Variants in CDH4 observed in about 807,000 individuals in gnomAD.
CDH4 encodes the protein cadherin 4, also known as cadherin-4.
In CDH4, 33 loss-of-function variants were observed where a neutral mutation model predicts 86.0. The ratio of observed to expected loss-of-function variants is 0.38; its 90% confidence interval spans 0.29 to 0.51. The LOEUF is 0.51. Among genes scored for constraint, CDH4 ranks in the 20% least tolerant of loss-of-function variants. The pLI, the probability that CDH4 is intolerant of heterozygous loss-of-function variation, is 0.86. For missense variants in CDH4, 1,114 were observed against 1,307.4 expected (o/e 0.85, Z 2.28); for synonymous variants, 555 against 549.4 (o/e 1.01, Z -0.14).
At chr20:61,682,253 G>C (rs1256690424) in intron 2 of CDH4, among the ~76,000 whole-genome samples, 1 of 151,388 alleles carries the variant, frequency 6.6e-6, no homozygotes, top group Non-Finnish European at 1.5e-5. Flanking sequence ...CAAGTGGACG[G>C]ATGGATAGAG....
chr20:61,381,571 C>T (rs73308697), intron 2 of CDH4, among the ~76,000 whole-genome samples: 7,695 of 152,118 alleles, frequency 0.051, 321 homozygotes, highest in East Asian at 0.15. Flanking sequence ...CCTTGAAGCT[C>T]AACAAAAACT....
At chr20:61,661,547 C>A (rs1397678544) in intron 2 of CDH4, among the ~76,000 whole-genome samples, 1 of 140,130 alleles carries the variant, frequency 7.1e-6, no homozygotes, top group Non-Finnish European at 1.5e-5. Context: ...TTTTTAATAG[C>A]TGGAGGAAGG....
At chr20:61,270,674 A>G (rs2084178761) in intron 2 of CDH4, among the ~76,000 whole-genome samples, 1 of 152,232 alleles carries the variant, frequency 6.6e-6, no homozygotes, top group Non-Finnish European at 1.5e-5. Flanking sequence ...GCTAATAAAA[A>G]TAGCTTATAA....
At chr20:61,385,122 T>G (rs1248000254) in intron 2 of CDH4, among the ~76,000 whole-genome samples, 2 of 151,982 alleles carry the variant, frequency 1.3e-5, no homozygotes, top group Middle Eastern at 3.4e-3. Context: ...CGGCACCAAC[T>G]AGGTGTGGTG....
At chr20:61,491,665 G>A (rs761127527) in intron 2 of CDH4, among the ~76,000 whole-genome samples, 12 of 152,316 alleles carry the variant, frequency 7.9e-5, no homozygotes, top group East Asian at 3.9e-4. Context: ...CTCTGTTTTC[G>A]TTGGTGGTAT....
chr20:61,788,382 G>A (rs1466724295), intron 4 of CDH4, among the ~76,000 whole-genome samples: 1 of 152,208 alleles, frequency 6.6e-6, no homozygotes, highest in Non-Finnish European at 1.5e-5. Context: ...AAGGCACAGC[G>A]TAGGTTCTGG....
At chr20:61,569,370 A>G (rs1022423620) in intron 2 of CDH4, among the ~76,000 whole-genome samples, 2 of 152,202 alleles carry the variant, frequency 1.3e-5, no homozygotes, top group African/African-American at 2.4e-5. Flanking sequence ...AATAAGACAA[A>G]GAAGTCTCTG....
At chr20:61,552,129 T>C (rs1294614873) in intron 2 of CDH4, among the ~76,000 whole-genome samples, 2 of 152,122 alleles carry the variant, frequency 1.3e-5, no homozygotes, top group African/African-American at 4.8e-5. Flanking sequence ...AAATAAACAG[T>C]GGACTTCCTC....
intron 6 of CDH4, among the ~76,000 whole-genome samples, chr20:61,858,235 G>C (rs1210498272): frequency 6.7e-6 from 1 of 150,172 alleles, no homozygotes; most frequent in Non-Finnish European, 1.5e-5. Context: ...GTGTCTGTGT[G>C]TCTGTGTCTG....
chr20:61,650,574 G>A (rs1219685969), intron 2 of CDH4, among the ~76,000 whole-genome samples: 2 of 152,124 alleles, frequency 1.3e-5, no homozygotes, highest in Non-Finnish European at 2.9e-5. Flanking sequence ...AGCATCTACT[G>A]TATATCAGGC....
intron 9 of CDH4, among the ~76,000 whole-genome samples, 199 bp from the exon 10 acceptor site, chr20:61,923,252 G>A (rs886559112): frequency 6.6e-6 from 1 of 152,176 alleles, no homozygotes; most frequent in Non-Finnish European, 1.5e-5. Flanking sequence ...TCCTCCCATC[G>A]GCCAAACCCA....
chr20:61,343,926 A>G (rs1253974503), intron 2 of CDH4, among the ~76,000 whole-genome samples: 1 of 151,040 alleles, frequency 6.6e-6, no homozygotes, highest in Non-Finnish European at 1.5e-5. Flanking sequence ...GCCAAGATTA[A>G]AAAAAAAATA....
intron 2 of CDH4, chr20:61,437,624 T>G (rs1350494425): frequency 6.6e-6 from 1 of 152,192 alleles, no homozygotes; most frequent in Non-Finnish European, 1.5e-5. Context: ...GGATCGTCAG[T>G]GTGTTCGGGT....
chr20:61,606,658 C>T (rs566891625), intron 2 of CDH4, among the ~76,000 whole-genome samples: 18 of 152,362 alleles, frequency 1.2e-4, no homozygotes, highest in African/African-American at 4.3e-4. Context: ...CTGGGAAGTG[C>T]ACCCCGCCGC....
At chr20:61,358,188 C>T (rs2084763305) in intron 2 of CDH4, among the ~76,000 whole-genome samples, 1 of 152,196 alleles carries the variant, frequency 6.6e-6, no homozygotes, top group South Asian at 2.1e-4. Flanking sequence ...ACAGAAACCT[C>T]GAAACCCCTC....
In CDH4 at chr20:61,623,006, C is replaced by T. The variant is rs1263077081; in HGVS notation, c.170-120557C>T. 6.6e-6 allele frequency among the ~76,000 whole-genome samples: 1 copy of T among 152,174 alleles called. No homozygotes were observed. Among genetic ancestry groups the T allele is most frequent in the East Asian group, 1.9e-4 (1 of 5,190 alleles). ...TTGGGACAGTGGGATAGGCCTGTTA[C>T]CAACATGGACCACAACCAGTCATTT... On this transcript the variant is annotated intron_variant, in intron 2 of 15. Coordinates refer to ENST00000614565, the MANE Select transcript of CDH4 (RefSeq NM_001794.5). This position sits in a 1 kb window ranked among gnomAD's most constrained non-coding sequence, Gnocchi z 4.4.
intron 2 of CDH4, among the ~76,000 whole-genome samples, chr20:61,320,127 G>C (rs1006345102): frequency 2.0e-5 from 3 of 152,112 alleles, no homozygotes; most frequent in African/African-American, 2.4e-5. Flanking sequence ...AGGTGGGACT[G>C]TTCCCTCTCT....
chr20:61,730,662 C>T (rs867677834), intron 2 of CDH4, among the ~76,000 whole-genome samples: 44 of 152,308 alleles, frequency 2.9e-4, no homozygotes, highest in Middle Eastern at 3.4e-3. Flanking sequence ...AGGAGGTGGC[C>T]GGCAGTTTCA....
intron 2 of CDH4, among the ~76,000 whole-genome samples, chr20:61,399,528 C>T (rs998216894): frequency 1.3e-5 from 2 of 152,208 alleles, no homozygotes; most frequent in Non-Finnish European, 2.9e-5. Flanking sequence ...CATCTCCCAG[C>T]TCCCTCTATG....
Sources: allele counts gnomAD v4.1 joint callset (sites outside exome capture counted in the v4.1 genomes callset), GRCh38; gene constraint gnomAD v4.1.1; non-coding constraint Gnocchi (gnomAD v3.1); transcripts MANE v1.5; gene names NCBI Gene and HGNC (gene_info 2026-07-23, HGNC 2026-07-21).